GYPE: variants seen among roughly 807,000 people sequenced by gnomAD.
GYPE encodes the protein glycophorin E (MNS blood group).
A neutral mutation model predicts 11.6 loss-of-function variants in GYPE; 8 were observed. The ratio of observed to expected loss-of-function variants is 0.69; its 90% CI spans 0.41 to 1.25. The LOEUF is 1.25. Among genes scored for constraint, GYPE ranks in the 50% most tolerant of loss-of-function variants. The pLI is 0.01. For synonymous variants in GYPE, 28 were observed against 29.6 expected (o/e 0.94, Z 0.18); for missense variants, 90 against 92.8 (o/e 0.97, Z 0.12).
At position 143,891,324 on chromosome 4, in the gene GYPE, TGTTTC is replaced by T. The variant is rs1560946362; in HGVS notation, c.38-10820_38-10816del. On this transcript the variant is annotated intron_variant, in intron 1 of 3. Coordinates refer to ENST00000358615, the MANE Select transcript of GYPE (RefSeq NM_198682.3). ...TTATTATTATTATTTTGATTTTTTT[TGTTTC>T]TTTTTTTTTTTTTTTTTGAGACAGA... Among the ~76,000 whole-genome samples, 4 of 2,794 alleles carry T rather than the reference TGTTTC, an allele frequency of 1.4e-3. 2 individuals carry two copies. Among genetic ancestry groups the T allele is most frequent in the Admixed American group, 0.042 (2 of 48 alleles). The allele number at this position is 2,794 out of a possible 152,430, so 1.8% of individuals were successfully genotyped here.
At chr4:143,898,536 T>C (rs1442755214) in intron 1 of GYPE, among the ~76,000 whole-genome samples, 11 of 152,178 alleles carry the variant, frequency 7.2e-5, no homozygotes, top group African/African-American at 9.6e-5. Context: ...TTATGGACCA[T>C]TTTAGCCCAA....
At chr4:143,875,352 G>T (rs1186171318) in intron 3 of GYPE, 9 of 901,704 alleles carry the variant, frequency 1.0e-5, no homozygotes, top group Admixed American at 7.2e-5. Context: ...TAGAAGTAGA[G>T]AATACAGTAA....
chr4:143,897,683 G>A (rs541991679), intron 1 of GYPE, among the ~76,000 whole-genome samples: 35 of 152,212 alleles, frequency 2.3e-4, no homozygotes, highest in African/African-American at 7.9e-4. Context: ...ATACCTGGCT[G>A]CCAGATCAAT....
At chr4:143,874,598 G>T (rs1375044466) in intron 3 of GYPE, among the ~76,000 whole-genome samples, 1 of 152,196 alleles carries the variant, frequency 6.6e-6, no homozygotes, top group Non-Finnish European at 1.5e-5. Context: ...CTGTTTTTAG[G>T]ATGGGAGAAA....
At chr4:143,900,948 T>C (rs1283562840) in intron 1 of GYPE, among the ~76,000 whole-genome samples, 1 of 152,178 alleles carries the variant, frequency 6.6e-6, no homozygotes, top group Non-Finnish European at 1.5e-5. Flanking sequence ...CTACCGATTG[T>C]ACACTTTAAA....
chr4:143,890,364 A>G (rs1744357471), intron 1 of GYPE, among the ~76,000 whole-genome samples: 1 of 152,190 alleles, frequency 6.6e-6, no homozygotes, highest in East Asian at 1.9e-4. Flanking sequence ...AAGGTTTGGT[A>G]TTTCTGTAGC....
chr4:143,894,043 G>A (rs1038521537), intron 1 of GYPE, among the ~76,000 whole-genome samples: 17 of 151,718 alleles, frequency 1.1e-4, no homozygotes, highest in Admixed American at 4.6e-4. Flanking sequence ...TTCCCTTCTC[G>A]CTTCATTTCA....
chr4:143,897,145 C>G (rs548198934), intron 1 of GYPE, among the ~76,000 whole-genome samples: 10 of 152,100 alleles, frequency 6.6e-5, no homozygotes, highest in African/African-American at 2.2e-4. Flanking sequence ...TACCCTAAAG[C>G]TTACAGTATA....
At chr4:143,905,441 A>G in intron 1 of GYPE, 30 bp downstream of exon 1, 1 of 1,612,772 alleles carries the variant, frequency 6.2e-7, no homozygotes, top group Non-Finnish European at 8.5e-7. Context: ...ACCCAATATA[A>G]CAGAACCAAG....
intron 2 of GYPE, among the ~76,000 whole-genome samples, chr4:143,877,145 G>A (rs1213804574): frequency 6.6e-6 from 1 of 152,178 alleles, no homozygotes; most frequent in Non-Finnish European, 1.5e-5. Flanking sequence ...CTTCACTAGT[G>A]TAACTGTAGA....
intron 3 of GYPE, chr4:143,875,297 G>T: frequency 1.6e-6 from 1 of 636,932 alleles, no homozygotes; most frequent in South Asian, 2.1e-5. Flanking sequence ...AACAAATCAT[G>T]ACTATACTAC....
intron 3 of GYPE, chr4:143,875,418 T>C: frequency 6.5e-7 from 1 of 1,542,596 alleles, no homozygotes; most frequent in Non-Finnish European, 8.8e-7. Flanking sequence ...AGCAAAGGAA[T>C]AGCAGGTGCA....
chr4:143,901,935 A>G (rs1306413079), intron 1 of GYPE, among the ~76,000 whole-genome samples: 1 of 152,024 alleles, frequency 6.6e-6, no homozygotes, highest in Non-Finnish European at 1.5e-5. Flanking sequence ...TAAAAACCCT[A>G]TTTCACACCA....
chr4:143,896,600 G>C (rs1036775748), intron 1 of GYPE, among the ~76,000 whole-genome samples: 1 of 151,122 alleles, frequency 6.6e-6, no homozygotes, highest in African/African-American at 2.4e-5. Context: ...TCAGTGTGGC[G>C]ATTCCTCAGG....
intron 1 of GYPE, among the ~76,000 whole-genome samples, chr4:143,896,774 T>C (rs1473633809): frequency 6.6e-6 from 1 of 152,146 alleles, no homozygotes. Context: ...CCAACAATGA[T>C]AGACTGGATT....
intron 1 of GYPE, among the ~76,000 whole-genome samples, chr4:143,885,011 G>A (rs1373208419): frequency 1.3e-5 from 2 of 151,002 alleles, no homozygotes; most frequent in Non-Finnish European, 2.9e-5. Flanking sequence ...ACATGCCAGA[G>A]CTTTGCAGTA....
chr4:143,900,124 T>C (rs1225928084), intron 1 of GYPE, among the ~76,000 whole-genome samples: 1 of 151,652 alleles, frequency 6.6e-6, no homozygotes, highest in Non-Finnish European at 1.5e-5. Context: ...GATTTAAAAA[T>C]GGGTGAAGGA....
intron 1 of GYPE, among the ~76,000 whole-genome samples, chr4:143,889,978 G>A (rs1744342505): frequency 1.3e-5 from 2 of 152,178 alleles, no homozygotes; most frequent in South Asian, 4.1e-4. Context: ...TGTGATCTAT[G>A]TAGCAGAAAG....
chr4:143,876,942 A>G, intron 2 of GYPE, 87 bp from the exon 3 acceptor site: 1 of 753,226 alleles, frequency 1.3e-6, no homozygotes, highest in Non-Finnish European at 2.4e-6. Flanking sequence ...CATCAGCATA[A>G]CATCACCTTG....
Sources: allele counts gnomAD v4.1 joint callset (sites outside exome capture counted in the v4.1 genomes callset), GRCh38; gene constraint gnomAD v4.1.1; transcripts MANE v1.5; gene names NCBI Gene and HGNC (gene_info 2026-07-23, HGNC 2026-07-21).